CDC42SE2: variants seen among roughly 807,000 people sequenced by gnomAD.
The protein encoded by CDC42SE2 is CDC42 small effector protein 2.
Under a neutral mutation model 11.5 loss-of-function variants are expected in CDC42SE2, and 3 were observed. The observed-to-expected ratio is 0.26, with a 90% confidence interval of 0.12 to 0.67. The LOEUF is 0.67. Among genes scored for constraint, CDC42SE2 ranks in the 30% least tolerant of loss-of-function variants. CDC42SE2 has a pLI of 0.80. For missense variants in CDC42SE2, 82 were observed against 106.8 expected (o/e 0.77, Z 1.02); for synonymous variants, 33 against 34.8 (o/e 0.95, Z 0.18).
At chr5:131,260,624 CAAAAA>C (rs34035270), upstream of CDC42SE2, among the ~76,000 whole-genome samples, 1 of 96,396 alleles carries the variant, frequency 1.0e-5, no homozygotes, top group African/African-American at 4.0e-5. Context: ...GACGCTCTCT[CAAAAA>C]AAAAAAAAAA....
chr5:131,313,930 C>T (rs555568600), intron 1 of CDC42SE2, among the ~76,000 whole-genome samples: 5 of 152,046 alleles, frequency 3.3e-5, no homozygotes, highest in Non-Finnish European at 5.9e-5. Flanking sequence ...TGGGTTCAAG[C>T]GATCCTCCTG....
At chr5:131,295,884 A>G (rs1304856442) in intron 1 of CDC42SE2, among the ~76,000 whole-genome samples, 3 of 151,984 alleles carry the variant, frequency 2.0e-5, no homozygotes, top group Non-Finnish European at 4.4e-5. Context: ...ATGGTGTTTC[A>G]CCGTGTTAGC....
At chr5:131,292,592 T>A (rs1580735323) in intron 1 of CDC42SE2, among the ~76,000 whole-genome samples, 1 of 140,298 alleles carries the variant, frequency 7.1e-6, no homozygotes, top group Middle Eastern at 4.5e-3. Flanking sequence ...ACAAAAAACT[T>A]GGTAATTTAA....
intron 1 of CDC42SE2, among the ~76,000 whole-genome samples, chr5:131,310,295 C>T (rs1163461656): frequency 6.6e-6 from 1 of 151,912 alleles, no homozygotes. Flanking sequence ...AGTTTGATTG[C>T]ACTGTGGTCT....
rs1750697082 is a variant in CDC42SE2 at position 131,392,664 on chromosome 5, C to CTGAG, written c.*1576_*1579dup. 1.3e-5 allele frequency: 2 copies of CTGAG among 152,448 alleles called. No homozygotes were observed. Among genetic ancestry groups the CTGAG allele is most frequent in the South Asian group, 2.1e-4 (1 of 4,828 alleles). 9.4% of individuals were successfully genotyped at this position (152,448 alleles called of 1,614,324 possible). ...TGTGGTTACAGGTGTGGTTATGTAT[C>CTGAG]TGAGTGTTGCGGTCATACTCTCCTC... On this transcript the variant is annotated 3_prime_UTR_variant, in exon 5 of 5. Coordinates refer to ENST00000505065, the MANE Select transcript of CDC42SE2 (RefSeq NM_001375635.1).
At chr5:131,379,347 T>G (rs2149785279) in intron 3 of CDC42SE2, among the ~76,000 whole-genome samples, 1 of 152,354 alleles carries the variant, frequency 6.6e-6, no homozygotes, top group South Asian at 2.1e-4. Flanking sequence ...CAGTGACATG[T>G]GTTTGCACAC....
chr5:131,332,190 TCC>T (rs898899840), intron 2 of CDC42SE2, among the ~76,000 whole-genome samples: 2 of 152,178 alleles, frequency 1.3e-5, no homozygotes, highest in African/African-American at 4.8e-5. Context: ...ATTGTTCAAT[TCC>T]CACCTATGAG....
At chr5:131,216,501 C>CAAAAAAAAAAAA in the CDC42SE2 span, among the ~76,000 whole-genome samples, 293 of 42,128 alleles carry the variant, frequency 7.0e-3, 11 homozygotes, top group African/African-American at 0.022. Context: ...GAACCTGTCT[C>CAAAAAAAAAAAA]AAAAAAAAAA....
chr5:131,335,507 A>G (rs181026026), intron 2 of CDC42SE2, among the ~76,000 whole-genome samples: 3 of 152,260 alleles, frequency 2.0e-5, no homozygotes, highest in Admixed American at 6.6e-5. Context: ...GCTGAGTTCA[A>G]TTCCTGGATA....
chr5:131,217,450 C>T, the CDC42SE2 span, among the ~76,000 whole-genome samples: 2 of 152,272 alleles, frequency 1.3e-5, no homozygotes, highest in South Asian at 4.1e-4. Context: ...CTGAAAGTGC[C>T]TCTCATATAG....
At chr5:131,347,465 T>C (rs563520003) in intron 2 of CDC42SE2, among the ~76,000 whole-genome samples, 1 of 152,238 alleles carries the variant, frequency 6.6e-6, no homozygotes, top group South Asian at 2.1e-4. Context: ...GTTGAATCCC[T>C]GAATAGACCA....
chr5:131,247,277 ATT>A (rs1422842009), intron 1 of CDC42SE2, among the ~76,000 whole-genome samples: 1 of 152,208 alleles, frequency 6.6e-6, no homozygotes, highest in Admixed American at 6.5e-5. Flanking sequence ...TATGTATATA[ATT>A]TGTCACATCA....
intron 3 of CDC42SE2, among the ~76,000 whole-genome samples, chr5:131,382,811 T>C (rs967471823): frequency 2.0e-5 from 3 of 152,186 alleles, no homozygotes; most frequent in African/African-American, 7.2e-5. Flanking sequence ...TAATTTGTCC[T>C]GCCCACATGC....
At chr5:131,268,680 G>C (rs963301185) in intron 1 of CDC42SE2, among the ~76,000 whole-genome samples, 1 of 150,260 alleles carries the variant, frequency 6.7e-6, no homozygotes, top group Non-Finnish European at 1.5e-5. Context: ...TCGAACTCCC[G>C]ACTTCAGGTG....
chr5:131,251,930 G>A (rs761536926), intron 1 of CDC42SE2, among the ~76,000 whole-genome samples: 1 of 152,052 alleles, frequency 6.6e-6, no homozygotes, highest in Non-Finnish European at 1.5e-5. Flanking sequence ...CAGGAGGATC[G>A]CTTGAGCCTA....
At chr5:131,246,220 C>T (rs984743302) in intron 1 of CDC42SE2, among the ~76,000 whole-genome samples, 6 of 152,180 alleles carry the variant, frequency 3.9e-5, no homozygotes, top group African/African-American at 1.4e-4. Context: ...CTTTGGGAGG[C>T]TGCAGCAGGC....
At chr5:131,271,219 A>G (rs1756988714) in intron 1 of CDC42SE2, among the ~76,000 whole-genome samples, 2 of 152,122 alleles carry the variant, frequency 1.3e-5, no homozygotes, top group Admixed American at 6.6e-5. Context: ...ATAACATTTT[A>G]ACCAGAACTG....
chr5:131,268,640 C>T (rs1252977586), intron 1 of CDC42SE2, among the ~76,000 whole-genome samples: 4 of 151,112 alleles, frequency 2.6e-5, no homozygotes, highest in East Asian at 3.9e-4. Flanking sequence ...TTAGTAGAGA[C>T]GGGGTTTCTC....
upstream of CDC42SE2, among the ~76,000 whole-genome samples, chr5:131,242,444 A>G (rs1220040120): frequency 6.6e-6 from 1 of 152,206 alleles, no homozygotes; most frequent in Non-Finnish European, 1.5e-5. Flanking sequence ...TATTCTCTCT[A>G]GAAAAAGTTT....
Sources: gnomAD v4.1 joint callset for allele counts (sites outside exome capture counted in the v4.1 genomes callset) on GRCh38, gnomAD v4.1.1 for gene constraint, MANE v1.5 for transcripts, NCBI Gene and HGNC (gene_info 2026-07-23, HGNC 2026-07-21) for gene names.